SMIM14: variants seen among roughly 807,000 people sequenced by gnomAD.
SMIM14 encodes the protein small integral membrane protein 14.
In SMIM14, 5 loss-of-function variants were observed where a neutral mutation model predicts 12.6. That is an observed-to-expected ratio of 0.40 (90% confidence interval 0.21 to 0.83). The LOEUF is 0.83. Ranked by LOEUF, SMIM14 falls within the 40% of genes least tolerant of loss-of-function variation. SMIM14 has a pLI of 0.37. For synonymous variants in SMIM14, 30 were observed against 40.1 expected, an observed-to-expected ratio of 0.75 and a Z score of 0.95; for missense variants, 86 against 119.1, an observed-to-expected ratio of 0.72 and a Z score of 1.29.
chr4:39,617,931 A>G (rs1231006658), intron 1 of SMIM14, among the ~76,000 whole-genome samples: 1 of 152,248 alleles, frequency 6.6e-6, no homozygotes, highest in Non-Finnish European at 1.5e-5. Flanking sequence ...CAGGAAAATG[A>G]CAATGCCTAA....
chr4:39,577,226 T>A (rs573337232), intron 2 of SMIM14, among the ~76,000 whole-genome samples: 251 of 152,158 alleles, frequency 1.6e-3, no homozygotes, highest in Non-Finnish European at 3.0e-3. Context: ...CAATTTTTCC[T>A]GCTATATGAG....
chr4:39,562,727 G>A (rs1377001977), intron 3 of SMIM14, among the ~76,000 whole-genome samples: 2 of 151,594 alleles, frequency 1.3e-5, no homozygotes. Context: ...GGCTGATCTC[G>A]AATTCCTGAG....
At position 39,625,274 on chromosome 4, in the gene SMIM14, T is replaced by C. The variant is rs1560309700; in HGVS notation, c.-36+13465A>G. Among the ~76,000 whole-genome samples the C allele has an allele frequency of 2.0e-5, 3 of 150,812 alleles. No individual in the cohort carries two copies. The South Asian group carries it at 6.3e-4, about 32-fold the overall frequency. Reference sequence around the variant, plus strand: ...AAAAGGATGCAGACTCAAGTTCAAATTGGTCAATTAATGTTTGCTAAAAAT... The same window carrying C: ...AAAAGGATGCAGACTCAAGTTCAAACTGGTCAATTAATGTTTGCTAAAAAT... On this transcript the variant is annotated intron_variant, in intron 1 of 4. Transcript: ENST00000295958.
chr4:39,613,630 C>T (rs1715112156), intron 1 of SMIM14, among the ~76,000 whole-genome samples: 1 of 152,180 alleles, frequency 6.6e-6, no homozygotes, highest in South Asian at 2.1e-4. Flanking sequence ...CTAGGCAAGA[C>T]AGAACAGTTT....
intron 1 of SMIM14, among the ~76,000 whole-genome samples, chr4:39,634,986 G>A (rs1716037927): frequency 6.6e-6 from 1 of 152,212 alleles, no homozygotes; most frequent in Non-Finnish European, 1.5e-5. Context: ...AATTTCCAGG[G>A]TAGGAGACGG....
chr4:39,557,528 G>A (rs1274806551), intron 3 of SMIM14, among the ~76,000 whole-genome samples: 6 of 152,094 alleles, frequency 3.9e-5, no homozygotes, highest in Non-Finnish European at 7.3e-5. Context: ...GCCATGCCAT[G>A]TTTGTAGATT....
chr4:39,589,024 A>G (rs1713924227), intron 2 of SMIM14, among the ~76,000 whole-genome samples: 1 of 152,182 alleles, frequency 6.6e-6, no homozygotes, highest in Non-Finnish European at 1.5e-5. Flanking sequence ...CAGGCTGATA[A>G]AAAGGAATCT....
intron 2 of SMIM14, among the ~76,000 whole-genome samples, chr4:39,582,106 G>A (rs1160906013): frequency 3.3e-5 from 5 of 149,920 alleles, no homozygotes; most frequent in African/African-American, 7.3e-5. Flanking sequence ...CCCGACCTCA[G>A]GTGATCTGCC....
chr4:39,612,088 G>A (rs1422628678), intron 1 of SMIM14: 1 of 150,866 alleles, frequency 6.6e-6, no homozygotes, highest in East Asian at 1.9e-4. Context: ...TCACAGTTTT[G>A]TCTGAGGCCA....
chr4:39,568,638 A>C (rs938124127), intron 3 of SMIM14, among the ~76,000 whole-genome samples: 4 of 152,226 alleles, frequency 2.6e-5, no homozygotes, highest in African/African-American at 9.6e-5. Context: ...ACATATATTT[A>C]ATTTTAAAAA....
intron 1 of SMIM14, among the ~76,000 whole-genome samples, chr4:39,625,230 AAAAG>A (rs1180271631): frequency 9.9e-5 from 15 of 151,848 alleles, no homozygotes; most frequent in East Asian, 9.7e-4. Flanking sequence ...AAAAAAAAAA[AAAAG>A]AAAGAAAGAA....
chr4:39,592,151 C>A (rs1253575079), intron 2 of SMIM14, among the ~76,000 whole-genome samples: 1 of 151,956 alleles, frequency 6.6e-6, no homozygotes, highest in Non-Finnish European at 1.5e-5. Context: ...ATCTATTACA[C>A]CACTCCACTC....
At chr4:39,578,397 G>C (rs1170048473) in intron 2 of SMIM14, among the ~76,000 whole-genome samples, 1 of 152,190 alleles carries the variant, frequency 6.6e-6, no homozygotes, top group African/African-American at 2.4e-5. Flanking sequence ...CTTACTTGGA[G>C]AAAACATTGG....
intron 1 of SMIM14, among the ~76,000 whole-genome samples, chr4:39,607,106 A>C (rs969452092): frequency 6.6e-6 from 1 of 152,222 alleles, no homozygotes; most frequent in Non-Finnish European, 1.5e-5. Flanking sequence ...GTTCAAGGCC[A>C]GCCTGAGCAA....
At chr4:39,635,988 C>T (rs1189054843) in intron 1 of SMIM14, among the ~76,000 whole-genome samples, 1 of 151,938 alleles carries the variant, frequency 6.6e-6, no homozygotes. Flanking sequence ...GCCTGGCCAA[C>T]ATGGTGAAAC....
chr4:39,637,261 G>A (rs1007477996), intron 1 of SMIM14, among the ~76,000 whole-genome samples: 5 of 151,708 alleles, frequency 3.3e-5, no homozygotes, highest in African/African-American at 4.8e-5. Flanking sequence ...AAAGTATTTC[G>A]TATAACCAAA....
chr4:39,628,413 G>A (rs1043952442), intron 1 of SMIM14, among the ~76,000 whole-genome samples: 2 of 151,846 alleles, frequency 1.3e-5, no homozygotes, highest in East Asian at 1.9e-4. Context: ...GGTGGCTCAC[G>A]CCTGTAATCC....
intron 1 of SMIM14, among the ~76,000 whole-genome samples, chr4:39,617,338 GATTATGTGTTTTCTGAA>G (rs1715263896): frequency 6.6e-6 from 1 of 152,208 alleles, no homozygotes; most frequent in South Asian, 2.1e-4. Flanking sequence ...CACTGTATAC[GATTATGTGTTTTCTGAA>G]ATTACACCAT....
At chr4:39,553,244 G>A (rs1711816180) in intron 4 of SMIM14, among the ~76,000 whole-genome samples, 1 of 151,812 alleles carries the variant, frequency 6.6e-6, no homozygotes, top group Non-Finnish European at 1.5e-5. Context: ...TGTATTTTTA[G>A]TAGAGACAGG....
Sources: allele counts gnomAD v4.1 joint callset (sites outside exome capture counted in the v4.1 genomes callset), GRCh38; gene constraint gnomAD v4.1.1; transcripts MANE v1.5; gene names NCBI Gene and HGNC (gene_info 2026-07-23, HGNC 2026-07-21).